The following MITF variants were observed in gnomAD, a reference collection of about 807,000 sequenced individuals.
MITF encodes the protein melanocyte inducing transcription factor, also known as microphthalmia-associated transcription factor.
In MITF, 17 loss-of-function variants were observed where a neutral mutation model predicts 60.5. The observed-to-expected ratio is 0.28, with a 90% CI of 0.19 to 0.42. MITF has a LOEUF of 0.42. Among genes scored for constraint, MITF ranks in the 10% least tolerant of loss-of-function variants. The pLI, the probability that MITF is intolerant of heterozygous loss-of-function variation, is 1.00. For missense variants in MITF, 622 were observed against 683.5 expected, an observed-to-expected ratio of 0.91 and a Z score of 1.00; for synonymous variants, 260 against 248.5, an observed-to-expected ratio of 1.05 and a Z score of -0.43.
Position 69,953,731 on chromosome 3 carries a change from C to T in MITF, c.955+1845C>T, listed in dbSNP as rs564960035. 1.3e-4 allele frequency among the ~76,000 whole-genome samples: 20 copies of T among 149,062 alleles called. 1 individual carries two copies. Among genetic ancestry groups the T allele is most frequent in the African/African-American group, 3.7e-4 (15 of 40,672 alleles). On this transcript the variant is annotated intron_variant, in intron 7 of 9. Coordinates refer to ENST00000352241, the MANE Select transcript of MITF (RefSeq NM_001354604.2). ...GACAGAGAAAGAAAGAGAGAGAGAGCGCCCCTGTTTTGTGTGAGGCACTTT... is the reference window on the plus strand; with the variant it reads ...GACAGAGAAAGAAAGAGAGAGAGAGTGCCCCTGTTTTGTGTGAGGCACTTT...
At chr3:69,962,653 A>AT (rs1461311392) in intron 9 of MITF, among the ~76,000 whole-genome samples, 25 of 152,154 alleles carry the variant, frequency 1.6e-4, no homozygotes, top group Non-Finnish European at 3.4e-4. Context: ...CGTGGAAGGG[A>AT]TAGCATTGGA....
chr3:69,939,244 G>A (rs1054570101), intron 4 of MITF, 63 bp downstream of exon 4: 6 of 1,431,774 alleles, frequency 4.2e-6, no homozygotes, highest in South Asian at 1.2e-5. Flanking sequence ...ATTTGTGGTG[G>A]ATCACACCTT....
chr3:69,832,846 T>C (rs530394156), intron 1 of MITF, among the ~76,000 whole-genome samples: 1 of 152,392 alleles, frequency 6.6e-6, no homozygotes, highest in South Asian at 2.1e-4. Flanking sequence ...GTGCACTGTA[T>C]GTAGTTGTTT....
At chr3:69,948,165 T>A (rs1315215614) in intron 5 of MITF, among the ~76,000 whole-genome samples, 4 of 151,844 alleles carry the variant, frequency 2.6e-5, no homozygotes, top group African/African-American at 9.7e-5. Context: ...GTGGAAGGAG[T>A]GAGGTCAGTC....
At chr3:69,758,841 C>T (rs2062169056) in intron 1 of MITF, 1 of 210,762 alleles carries the variant, frequency 4.7e-6, no homozygotes, top group Middle Eastern at 1.5e-3. Context: ...TAGCTATGAG[C>T]CCTTGCCATG....
At chr3:69,785,404 G>A (rs11128143) in intron 1 of MITF, among the ~76,000 whole-genome samples, 72,308 of 151,934 alleles carry the variant, frequency 0.48, 18,577 homozygotes, top group Non-Finnish European at 0.59. Flanking sequence ...CCATGAGCTC[G>A]GTACCATCTT....
In MITF at chr3:69,758,407, G is replaced by A. The variant is rs1007555520; in HGVS notation, c.104+18706G>A. 2.0e-4 allele frequency among the ~76,000 whole-genome samples: 31 copies of A among 151,972 alleles called. 1 individual carries two copies. The highest frequency in any genetic ancestry group is 2.1e-4 in the South Asian group (1 of 4,830). On this transcript the variant is annotated intron_variant, in intron 1 of 9. Transcript: ENST00000352241. ...GCTGGTCTTGAATTCTTGGCCTCAA[G>A]CAATCCTCCTGCCTCAGAGTCCCAA...
intron 2 of MITF, among the ~76,000 whole-genome samples, chr3:69,885,628 TA>T (rs1350029099): frequency 1.3e-5 from 2 of 152,092 alleles, no homozygotes; most frequent in Non-Finnish European, 1.5e-5. Context: ...TCCCAGTACA[TA>T]AACCGATAAA....
intron 2 of MITF, among the ~76,000 whole-genome samples, chr3:69,880,213 A>G (rs2107281978): frequency 6.6e-6 from 1 of 152,292 alleles, no homozygotes; most frequent in African/African-American, 2.4e-5. Context: ...TTCATTAAAC[A>G]ATGTGAACTT....
At chr3:69,806,356 G>T (rs747110457) in intron 1 of MITF, among the ~76,000 whole-genome samples, 4 of 152,056 alleles carry the variant, frequency 2.6e-5, no homozygotes, top group Non-Finnish European at 5.9e-5. Flanking sequence ...AAAGTGCTGG[G>T]ATTACAGGTG....
At chr3:69,931,234 T>C (rs781263237) in intron 2 of MITF, among the ~76,000 whole-genome samples, 37 of 152,232 alleles carry the variant, frequency 2.4e-4, no homozygotes, top group Non-Finnish European at 4.4e-4. Flanking sequence ...TGCTATATAA[T>C]GTAACATATC....
chr3:69,845,588 T>C (rs13066581), intron 1 of MITF, among the ~76,000 whole-genome samples: 75,527 of 151,878 alleles, frequency 0.5, 20,460 homozygotes, highest in Non-Finnish European at 0.63. Context: ...ACATACAATT[T>C]GGGATTTCCA....
intron 2 of MITF, among the ~76,000 whole-genome samples, chr3:69,927,335 C>G (rs1472836847): frequency 6.6e-6 from 1 of 151,952 alleles, no homozygotes; most frequent in Non-Finnish European, 1.5e-5. Context: ...CACATGGACA[C>G]AGGGAGGGGA....
chr3:69,893,901 T>C (rs570114404), intron 2 of MITF, among the ~76,000 whole-genome samples: 1 of 152,336 alleles, frequency 6.6e-6, no homozygotes, highest in South Asian at 2.1e-4. Flanking sequence ...TTATATGTTG[T>C]TTTTAATGAT....
chr3:69,948,232 T>C (rs1205735042), intron 5 of MITF, among the ~76,000 whole-genome samples: 1 of 152,022 alleles, frequency 6.6e-6, no homozygotes, highest in Non-Finnish European at 1.5e-5. Context: ...GGAAGGGAGA[T>C]CAACTTGGGC....
intron 1 of MITF, among the ~76,000 whole-genome samples, chr3:69,830,565 T>C (rs566057815): frequency 6.6e-6 from 1 of 152,302 alleles, no homozygotes; most frequent in East Asian, 1.9e-4. Context: ...TGCTTAGTTA[T>C]TTGGTTTATC....
At chr3:69,799,635 T>C (rs538862653) in intron 1 of MITF, among the ~76,000 whole-genome samples, 1 of 109,028 alleles carries the variant, frequency 9.2e-6, no homozygotes, top group South Asian at 2.4e-4. Flanking sequence ...TAAAACAGTT[T>C]CTTTCACACT....
chr3:69,832,897 CTT>C (rs765590063), intron 1 of MITF, among the ~76,000 whole-genome samples: 1 of 151,696 alleles, frequency 6.6e-6, no homozygotes, highest in Non-Finnish European at 1.5e-5. Flanking sequence ...TAGTTATACT[CTT>C]TGCTTAGTTA....
chr3:69,960,579 C>G (rs559658236), intron 9 of MITF, among the ~76,000 whole-genome samples: 1 of 152,302 alleles, frequency 6.6e-6, no homozygotes, highest in East Asian at 1.9e-4. Flanking sequence ...ACTTTGAACA[C>G]AACCTATCTG....
Sources: gnomAD v4.1 joint callset for allele counts (sites outside exome capture counted in the v4.1 genomes callset) on GRCh38, gnomAD v4.1.1 for gene constraint, MANE v1.5 for transcripts, NCBI Gene and HGNC (gene_info 2026-07-23, HGNC 2026-07-21) for gene names.